Variants in TSEN15 observed in about 807,000 individuals in gnomAD.
TSEN15 encodes tRNA-splicing endonuclease subunit Sen15.
A neutral mutation model predicts 20.5 loss-of-function variants in TSEN15; 10 were observed. The observed-to-expected ratio is 0.49, with a 90% CI of 0.30 to 0.83. The LOEUF (loss-of-function observed/expected upper bound fraction) is 0.83. TSEN15 is among the 40% of genes least tolerant of loss of function. The pLI, the probability that TSEN15 is intolerant of heterozygous loss-of-function variation, is 0.06. For synonymous variants in TSEN15, 72 were observed against 80.1 expected, an observed-to-expected ratio of 0.90 and a Z score of 0.54; for missense variants, 180 against 218.6, an observed-to-expected ratio of 0.82 and a Z score of 1.11.
chr1:184,057,875 C>G (rs888025310), intron 3 of TSEN15, among the ~76,000 whole-genome samples: 3 of 152,052 alleles, frequency 2.0e-5, no homozygotes, highest in Non-Finnish European at 4.4e-5. Flanking sequence ...ATCGCTAGTA[C>G]TTTCCGGTTT....
chr1:184,074,472 G>A (rs1034426508), downstream of TSEN15, among the ~76,000 whole-genome samples: 6 of 152,166 alleles, frequency 3.9e-5, no homozygotes, highest in African/African-American at 1.4e-4. Flanking sequence ...AGTGCTCAAT[G>A]CTTATATGCC....
rs1167874781 is a variant in TSEN15 at position 184,073,933 on chromosome 1, CAG to C, written c.*1088_*1089del. 1 of 151,976 alleles carries C rather than the reference CAG, an allele frequency of 6.6e-6. No homozygotes were observed. Among genetic ancestry groups the C allele is most frequent in the Non-Finnish European group, 1.5e-5 (1 of 67,992 alleles). 9.4% of individuals were successfully genotyped at this position (151,976 alleles called of 1,614,324 possible). A position where few individuals can be genotyped will look rare whatever the true frequency, so the allele number is the denominator to read the frequency against. The stretch of plus-strand genomic sequence containing the variant: ...CTGGGTCTAGGAAATAGTCAATAAA[CAG>C]ATATATACAAATGATACATAATGTA... On this transcript the variant is annotated 3_prime_UTR_variant, in exon 5 of 5. Transcript: ENST00000645668.
intron 3 of TSEN15, among the ~76,000 whole-genome samples, chr1:184,088,179 A>G (rs1284087824): frequency 6.6e-6 from 1 of 151,236 alleles, no homozygotes; most frequent in African/African-American, 2.5e-5. Flanking sequence ...GCCCAGAATG[A>G]CCGGCTATTT....
At chr1:184,086,777 G>A (rs188190677) in intron 3 of TSEN15, among the ~76,000 whole-genome samples, 99 of 152,250 alleles carry the variant, frequency 6.5e-4, no homozygotes, top group African/African-American at 2.0e-3. Context: ...GAGAGAGCAC[G>A]AGAGAGAGAA....
At chr1:184,093,100 G>A (rs773744500) in intron 3 of TSEN15, among the ~76,000 whole-genome samples, 5 of 152,082 alleles carry the variant, frequency 3.3e-5, no homozygotes, top group African/African-American at 4.8e-5. Flanking sequence ...TTTTCTTTCC[G>A]ATCAATTCTG....
rs1039298000 is a variant in TSEN15 at position 184,083,394 on chromosome 1, A to G, written c.354-12296A>G. Among the ~76,000 whole-genome samples, 6 of 152,370 alleles carry G rather than the reference A, an allele frequency of 3.9e-5. No individual in the cohort carries two copies. In the South Asian group the frequency reaches 8.3e-4, roughly 21 times the overall value. Reference sequence around the variant, plus strand: ...CAAAATAAGGATTTATAAACAAAATATATCTGCCTGATAAGTTTACTTATT... The same window carrying G: ...CAAAATAAGGATTTATAAACAAAATGTATCTGCCTGATAAGTTTACTTATT... On this transcript the variant is annotated intron_variant, in intron 3 of 3. Coordinates refer to the TSEN15 transcript ENST00000643231.
chr1:184,065,667 G>A (rs1650629066), intron 3 of TSEN15, among the ~76,000 whole-genome samples: 1 of 152,178 alleles, frequency 6.6e-6, no homozygotes, highest in African/African-American at 2.4e-5. Flanking sequence ...ATCCCTGCTA[G>A]CATGGCATTT....
chr1:184,058,047 C>T (rs1650310453), intron 3 of TSEN15: 4 of 335,082 alleles, frequency 1.2e-5, no homozygotes, highest in Non-Finnish European at 2.3e-5. Context: ...AATTAACCTG[C>T]ATTTATTCCT....
At chr1:184,079,862 C>G (rs1651130040) in intron 3 of TSEN15, among the ~76,000 whole-genome samples, 1 of 152,156 alleles carries the variant, frequency 6.6e-6, no homozygotes, top group Non-Finnish European at 1.5e-5. Flanking sequence ...GACATGACCT[C>G]TACCCTCAAG....
chr1:184,092,855 G>A (rs900602971), intron 3 of TSEN15, among the ~76,000 whole-genome samples: 9 of 152,196 alleles, frequency 5.9e-5, no homozygotes, highest in African/African-American at 2.2e-4. Flanking sequence ...GAGATGATGA[G>A]ATGCCCCAGA....
At chr1:184,077,146 A>G (rs1651075833), downstream of TSEN15, among the ~76,000 whole-genome samples, 3 of 151,906 alleles carry the variant, frequency 2.0e-5, no homozygotes, top group Non-Finnish European at 4.4e-5. Flanking sequence ...GCTTCAAAGG[A>G]TGGGCTAATT....
chr1:184,054,715 G>T lies in TSEN15; in HGVS notation c.218-13G>T, dbSNP rs371532303. The stretch of plus-strand genomic sequence containing the variant: ...TAATAAACATTATTGTCCATTCAAT[G>T]ATGCTCTTTCAGGCAAAAGCTGGCA... On this transcript the variant is annotated splice_polypyrimidine_tract_variant and intron_variant, in intron 2 of 4. Coordinates refer to ENST00000645668, the MANE Select transcript of TSEN15 (RefSeq NM_052965.4). 21 of 1,610,006 alleles carry T rather than the reference G, an allele frequency of 1.3e-5. No individual in the cohort carries two copies. The African/African-American group carries it at 2.8e-4, about 22-fold the overall frequency.
At chr1:184,063,895 A>G (rs1424582797) in intron 3 of TSEN15, among the ~76,000 whole-genome samples, 1 of 152,176 alleles carries the variant, frequency 6.6e-6, no homozygotes, top group Non-Finnish European at 1.5e-5. Context: ...TAAAAATGTT[A>G]TAAATGTATT....
chr1:184,073,814 A>G lies in TSEN15; in HGVS notation c.*967A>G, dbSNP rs898443058. ...ACTTGTCAACACTGCTGTATGAAGCACAAAAGCAGCCATAGACAATACATA... is the reference window on the plus strand; with the variant it reads ...ACTTGTCAACACTGCTGTATGAAGCGCAAAAGCAGCCATAGACAATACATA... On this transcript the variant is annotated 3_prime_UTR_variant, in exon 5 of 5. Coordinates refer to ENST00000645668, the MANE Select transcript of TSEN15 (RefSeq NM_052965.4). 1.3e-5 allele frequency: 2 copies of G among 152,234 alleles called. No individual in the cohort carries two copies. Among genetic ancestry groups the G allele is most frequent in the Non-Finnish European group, 2.9e-5 (2 of 68,026 alleles). The allele number at this position is 152,234 out of a possible 1,614,324, so 9.4% of individuals were successfully genotyped here. A position where few individuals can be genotyped will look rare whatever the true frequency, so the allele number is the denominator to read the frequency against.
intron 1 of TSEN15, among the ~76,000 whole-genome samples, chr1:184,053,925 C>CT (rs1650148667): frequency 2.0e-5 from 3 of 152,100 alleles, no homozygotes; most frequent in Non-Finnish European, 4.4e-5. Context: ...TTTACAGGCC[C>CT]TTGAATGTAT....
chr1:184,054,135 C>A (rs918679675), intron 1 of TSEN15, among the ~76,000 whole-genome samples: 4 of 152,162 alleles, frequency 2.6e-5, no homozygotes, highest in Non-Finnish European at 4.4e-5. Context: ...TAATCACTTA[C>A]AGTCATATAT....
downstream of TSEN15, among the ~76,000 whole-genome samples, chr1:184,075,910 A>ATATATTT (rs760409158): frequency 6.5e-5 from 8 of 123,752 alleles, no homozygotes; most frequent in African/African-American, 2.0e-4. Context: ...ATATATATAT[A>ATATATTT]TTTTTTTTTT....
At chr1:184,072,005 A>T in intron 3 of TSEN15, 152 bp from the exon 4 acceptor site, 1 of 637,632 alleles carries the variant, frequency 1.6e-6, no homozygotes, top group Non-Finnish European at 2.6e-6. Context: ...ATACCAGAAG[A>T]CTCTGATGTT....
chr1:184,072,782 ATTGT>A (rs1190271047), intron 4 of TSEN15, 41 bp from the exon 5 acceptor site: 5 of 1,563,340 alleles, frequency 3.2e-6, no homozygotes, highest in Admixed American at 1.8e-5. Flanking sequence ...TTTGGATTAC[ATTGT>A]TTATCGGAGA....
Sources: allele counts gnomAD v4.1 joint callset (sites outside exome capture counted in the v4.1 genomes callset), GRCh38; gene constraint gnomAD v4.1.1; transcripts MANE v1.5; gene names NCBI Gene and HGNC (gene_info 2026-07-23, HGNC 2026-07-21).